Variants in MAGI1 observed in about 807,000 individuals in gnomAD.
MAGI1 encodes membrane-associated guanylate kinase, WW and PDZ domain-containing protein 1.
MAGI1 carries 58 observed loss-of-function variants against 139.9 expected under a neutral mutation model. That is an observed-to-expected ratio of 0.41 (90% CI 0.34 to 0.52). MAGI1 has a LOEUF of 0.52. MAGI1 is among the 20% of genes least tolerant of loss of function. MAGI1 has a pLI of 0.12. For missense variants in MAGI1, 1,874 were observed against 1,901.6 expected (o/e 0.99, Z 0.27); for synonymous variants, 812 against 737.9 (o/e 1.10, Z -1.63).
chr3:65,504,525 G>A (rs1163056562), intron 2 of MAGI1, among the ~76,000 whole-genome samples: 1 of 152,082 alleles, frequency 6.6e-6, no homozygotes, highest in African/African-American at 2.4e-5. Flanking sequence ...TACTAGGTGG[G>A]AACTTCTGTA....
chr3:65,845,807 TCA>T (rs895189693), intron 1 of MAGI1, among the ~76,000 whole-genome samples: 17 of 152,212 alleles, frequency 1.1e-4, no homozygotes, highest in East Asian at 1.9e-4. Context: ...TTTAGAAGTT[TCA>T]CAGTCTTTTA....
intron 1 of MAGI1, among the ~76,000 whole-genome samples, chr3:65,802,744 G>A (rs2040591992): frequency 6.6e-6 from 1 of 152,096 alleles, no homozygotes; most frequent in Admixed American, 6.6e-5. Context: ...ATGGATGACT[G>A]AAGAATGCCT....
At chr3:65,979,266 A>G (rs17074213) in intron 1 of MAGI1, among the ~76,000 whole-genome samples, 13,810 of 152,106 alleles carry the variant, frequency 0.091, 711 homozygotes, top group African/African-American at 0.11. Flanking sequence ...GGGTCATAAT[A>G]TATCTATCTT....
At chr3:65,426,144 C>G (rs2107314536) in intron 12 of MAGI1, among the ~76,000 whole-genome samples, 1 of 152,146 alleles carries the variant, frequency 6.6e-6, no homozygotes, top group Non-Finnish European at 1.5e-5. Context: ...GACTGGCAAG[C>G]AGGGAGATGT....
intron 2 of MAGI1, among the ~76,000 whole-genome samples, chr3:65,510,911 C>T (rs1276401344): frequency 2.8e-4 from 42 of 148,700 alleles, no homozygotes; most frequent in African/African-American, 1.5e-4. Context: ...AGAGAAAGGT[C>T]GGGTTACCCT....
At position 65,965,583 on chromosome 3, in the gene MAGI1, A is replaced by T. The variant is rs112865707; in HGVS notation, c.313+72413T>A. On this transcript the variant is annotated intron_variant, in intron 1 of 22. Coordinates refer to ENST00000402939, the MANE Select transcript of MAGI1 (RefSeq NM_001033057.2). ...CAAGAACTGAGAAAGGATTAATGGA[A>T]GAGGAGGAAAGGAATGAATTTGAAC... Among the ~76,000 whole-genome samples, 1,491 of 152,312 alleles carry T rather than the reference A, an allele frequency of 9.8e-3. 21 individuals carry two copies. The highest frequency in any genetic ancestry group is 0.034 in the African/African-American group (1,424 of 41,566).
chr3:65,984,015 G>A (rs61466125), intron 1 of MAGI1, among the ~76,000 whole-genome samples: 32,624 of 152,000 alleles, frequency 0.21, 3,756 homozygotes, highest in Non-Finnish European at 0.26. Context: ...AGTGTAGGCC[G>A]GGCACAATGG....
Position 65,356,103 on chromosome 3 carries a change from G to T in MAGI1, c.*275C>A. ...TCTTGACGATTCTACAGGTTACGTA[G>T]AAACAAAATTTATATCCCTTTGGGC... is the stretch of plus-strand genomic sequence containing the variant. On this transcript the variant is annotated 3_prime_UTR_variant, in exon 23 of 23. Coordinates refer to ENST00000402939, the MANE Select transcript of MAGI1 (RefSeq NM_001033057.2). The T allele has an allele frequency of 3.6e-6, 1 of 279,326 alleles. No homozygotes were observed. The highest frequency in any genetic ancestry group is 1.3e-4 in the South Asian group (1 of 7,984). The allele number at this position is 279,326 out of a possible 1,614,324, so 17.3% of individuals were successfully genotyped here.
chr3:65,478,771 G>C lies in MAGI1; in HGVS notation c.578C>G (p.Pro193Arg), dbSNP rs1951057946. The change falls in exon 4 of 23, where the codon CCT (proline) becomes CGT (arginine). Residue 193 changes from proline (P) to arginine (R), a missense_variant. Pro to Arg is a moderately radical substitution (Grantham distance 103). Around this residue, in one of 5 missense-constraint regions of MAGI1, gnomAD observed 648 missense variants for 598.1 expected, o/e 1.08. Coordinates refer to ENST00000402939, the MANE Select transcript of MAGI1 (RefSeq NM_001033057.2). The part of the protein sequence containing the change: ...EGNYYGTPKP[P>R]SQPVSGKVIT... ...CACTTTCCCACTGACTGGCTGGCTAGGAGGCTTGGGTGTCCCATAATAGTT... is the reference window on the plus strand; with the variant it reads ...CACTTTCCCACTGACTGGCTGGCTACGAGGCTTGGGTGTCCCATAATAGTT... 6.2e-7 allele frequency: 1 copy of C among 1,614,012 alleles called. No homozygotes were observed. The highest frequency in any genetic ancestry group is 8.5e-7 in the Non-Finnish European group (1 of 1,179,962).
At chr3:65,732,011 A>C (rs141810307) in intron 1 of MAGI1, among the ~76,000 whole-genome samples, 22 of 152,324 alleles carry the variant, frequency 1.4e-4, no homozygotes, top group African/African-American at 4.8e-4. Flanking sequence ...ATTCTATTTT[A>C]AGTATTATGA....
intron 2 of MAGI1, among the ~76,000 whole-genome samples, chr3:65,575,694 T>A (rs1014452924): frequency 6.6e-6 from 1 of 152,086 alleles, no homozygotes; most frequent in African/African-American, 2.4e-5. Context: ...GCAACAAAAA[T>A]AGTGAGCTGT....
intron 12 of MAGI1, among the ~76,000 whole-genome samples, chr3:65,418,341 C>G (rs1386865795): frequency 1.3e-5 from 2 of 152,166 alleles, no homozygotes; most frequent in Admixed American, 6.5e-5. Context: ...TATCCTCAGT[C>G]CTTCATGAAG....
In MAGI1 at chr3:65,690,010, G is replaced by A. The variant is rs76443419; in HGVS notation, c.314-67922C>T. 5.3e-3 allele frequency among the ~76,000 whole-genome samples: 804 copies of A among 152,188 alleles called. 5 individuals carry two copies. The highest frequency in any genetic ancestry group is 0.018 in the African/African-American group (761 of 41,546). On this transcript the variant is annotated intron_variant, in intron 1 of 22. Coordinates refer to ENST00000402939, the MANE Select transcript of MAGI1 (RefSeq NM_001033057.2). ...CCGGCTCAGCACATGTTGTTTCAAT[G>A]AGGTTGACCCTACTCCTTGGCACAA...
intron 13 of MAGI1, among the ~76,000 whole-genome samples, chr3:65,396,231 C>T (rs1389481657): frequency 1.3e-5 from 2 of 152,088 alleles, no homozygotes; most frequent in Admixed American, 6.5e-5. Context: ...TAGGAATTTC[C>T]AATGCTAATT....
intron 2 of MAGI1, among the ~76,000 whole-genome samples, chr3:65,570,077 A>ATTG (rs1377356754): frequency 1.6e-3 from 10 of 6,170 alleles, no homozygotes; most frequent in African/African-American, 2.3e-3. Context: ...TATTATCATT[A>ATTG]TTATTATTAT....
chr3:65,984,746 C>T (rs1015480255), intron 1 of MAGI1, among the ~76,000 whole-genome samples: 1 of 136,066 alleles, frequency 7.3e-6, no homozygotes, highest in African/African-American at 2.7e-5. Context: ...AGGAGTCTCA[C>T]TATGTTGCCC....
At chr3:65,979,088 T>TCCCCCCCCCCCCCCCCC (rs200894076) in intron 1 of MAGI1, among the ~76,000 whole-genome samples, 16 of 52,968 alleles carry the variant, frequency 3.0e-4, no homozygotes, top group African/African-American at 3.5e-4. Flanking sequence ...TTTCTTTTCT[T>TCCCCCCCCCCCCCCCCC]CCCCCCCCCC....
At chr3:65,914,992 G>A (rs1346470051) in intron 1 of MAGI1, among the ~76,000 whole-genome samples, 1 of 152,202 alleles carries the variant, frequency 6.6e-6, no homozygotes, top group Non-Finnish European at 1.5e-5. Context: ...CTCAATAAAT[G>A]ATAGTTGATA....
chr3:65,864,534 G>A (rs542781050), intron 1 of MAGI1, among the ~76,000 whole-genome samples: 4 of 152,338 alleles, frequency 2.6e-5, no homozygotes, highest in Admixed American at 6.5e-5. Context: ...TCCATGTCAC[G>A]TGCCACACAG....
Sources: gnomAD v4.1 joint callset for allele counts (sites outside exome capture counted in the v4.1 genomes callset) on GRCh38, gnomAD v4.1.1 for gene constraint, gnomAD v4.1.1 regional missense constraint, MANE v1.5 for transcripts, NCBI Gene and HGNC (gene_info 2026-07-23, HGNC 2026-07-21) for gene names.